PAK5: variants seen among roughly 807,000 people sequenced by gnomAD.
The protein encoded by PAK5 is p21 (RAC1) activated kinase 5.
Under a neutral mutation model 65.9 loss-of-function variants are expected in PAK5, and 16 were observed. The ratio of observed to expected loss-of-function variants is 0.24; its 90% CI spans 0.16 to 0.37. The LOEUF is 0.37. PAK5 is among the 10% of genes least tolerant of loss of function. PAK5 has a pLI of 1.00. For synonymous variants in PAK5, 371 were observed against 354.9 expected, an observed-to-expected ratio of 1.05 and a Z score of -0.51; for missense variants, 785 against 903.9, an observed-to-expected ratio of 0.87 and a Z score of 1.69.
rs562986262 is a variant in PAK5 at position 9,579,291 on chromosome 20, C to T, written c.990+854G>A. On this transcript the variant is annotated intron_variant, in intron 4 of 9. Transcript: ENST00000353224. ...CTACGGTCCATGTTCTTTTGCTGGA[C>T]AGGTAAGGTAGCAAAAACATTTCTA... 3.3e-5 allele frequency among the ~76,000 whole-genome samples: 5 copies of T among 152,280 alleles called. No homozygotes were observed. In the South Asian group the frequency reaches 1.0e-3, roughly 32 times the overall value.
At chr20:9,661,394 C>T (rs2047344701) in intron 2 of PAK5, among the ~76,000 whole-genome samples, 1 of 152,268 alleles carries the variant, frequency 6.6e-6, no homozygotes, top group African/African-American at 2.4e-5. Flanking sequence ...GATCCAGACC[C>T]ACCAAGGTGA....
chr20:9,770,073 C>A (rs1374470163), intron 1 of PAK5, among the ~76,000 whole-genome samples: 2 of 151,996 alleles, frequency 1.3e-5, no homozygotes, highest in Non-Finnish European at 2.9e-5. Flanking sequence ...AAAAATAGAG[C>A]TTATGTGTAT....
chr20:9,758,719 C>T (rs13045260), intron 1 of PAK5, among the ~76,000 whole-genome samples: 19,926 of 152,120 alleles, frequency 0.13, 1,348 homozygotes, highest in Middle Eastern at 0.19. Context: ...TATCAGTTCA[C>T]CACTAAATGT....
chr20:9,652,605 A>T lies in PAK5; in HGVS notation c.-11-8266T>A, dbSNP rs983147670. On this transcript the variant is annotated intron_variant, in intron 2 of 9. Coordinates refer to ENST00000353224, the MANE Select transcript of PAK5 (RefSeq NM_177990.4). The stretch of plus-strand genomic sequence containing the variant: ...CAAAGCCTGTTGGGTGAATACAATG[A>T]TTATCCTTGTACCTGGTCCCCATTT... Among the ~76,000 whole-genome samples, 4 of 152,256 alleles carry T rather than the reference A, an allele frequency of 2.6e-5. No homozygotes were observed. The South Asian group carries it at 8.3e-4, about 32-fold the overall frequency.
At chr20:9,585,882 G>A (rs2046059832) in intron 3 of PAK5, among the ~76,000 whole-genome samples, 1 of 152,142 alleles carries the variant, frequency 6.6e-6, no homozygotes, top group African/African-American at 2.4e-5. Flanking sequence ...TTTAAAAAAT[G>A]ATCAGAGAAA....
chr20:9,610,802 TC>T (rs1459422306), intron 3 of PAK5, among the ~76,000 whole-genome samples: 2 of 152,136 alleles, frequency 1.3e-5, no homozygotes, highest in African/African-American at 4.8e-5. Flanking sequence ...GGGAGTGAAA[TC>T]CCAGTGTGAG....
intron 1 of PAK5, among the ~76,000 whole-genome samples, chr20:9,825,076 A>G (rs2049468139): frequency 6.6e-6 from 1 of 152,188 alleles, no homozygotes; most frequent in Non-Finnish European, 1.5e-5. Flanking sequence ...TTTTGATCCT[A>G]CTAGTTAAGT....
At chr20:9,789,359 A>T (rs1034894176) in intron 1 of PAK5, among the ~76,000 whole-genome samples, 1 of 152,286 alleles carries the variant, frequency 6.6e-6, no homozygotes, top group South Asian at 2.1e-4. Flanking sequence ...TTCAGAACAC[A>T]CACCAGATGC....
chr20:9,601,003 C>T (rs1232537327), intron 3 of PAK5, among the ~76,000 whole-genome samples: 5 of 152,144 alleles, frequency 3.3e-5, no homozygotes, highest in Non-Finnish European at 5.9e-5. Flanking sequence ...CCCAAACAGG[C>T]AGGTAAGTGT....
At chr20:9,671,666 GA>G (rs1417639990) in intron 2 of PAK5, among the ~76,000 whole-genome samples, 1 of 146,520 alleles carries the variant, frequency 6.8e-6, no homozygotes, top group Non-Finnish European at 1.5e-5. Context: ...AGCTTAAGGA[GA>G]TTTTGGGCTG....
intron 3 of PAK5, among the ~76,000 whole-genome samples, chr20:9,589,913 G>A (rs1176664321): frequency 5.3e-5 from 8 of 152,026 alleles, no homozygotes; most frequent in Admixed American, 5.2e-4. Flanking sequence ...TACTCATAAA[G>A]GTAAGGCATC....
intron 4 of PAK5, among the ~76,000 whole-genome samples, chr20:9,569,080 G>A (rs1220530238): frequency 6.6e-6 from 1 of 152,166 alleles, no homozygotes; most frequent in Non-Finnish European, 1.5e-5. Context: ...CTCAATTTGT[G>A]ACCTACAGAA....
chr20:9,583,459 A>C (rs1030181554), intron 3 of PAK5, among the ~76,000 whole-genome samples: 3 of 152,214 alleles, frequency 2.0e-5, no homozygotes, highest in Non-Finnish European at 4.4e-5. Context: ...AAATTCCTTT[A>C]CACTTATAGT....
chr20:9,672,743 A>G (rs1743191372), intron 2 of PAK5, among the ~76,000 whole-genome samples: 1 of 152,186 alleles, frequency 6.6e-6, no homozygotes, highest in African/African-American at 2.4e-5. Context: ...CAAAAAGTTG[A>G]AAATAAGTAT....
chr20:9,553,848 A>C (rs2045467234), intron 7 of PAK5, among the ~76,000 whole-genome samples: 1 of 151,812 alleles, frequency 6.6e-6, no homozygotes, highest in African/African-American at 2.4e-5. Flanking sequence ...ATAAGTTTCC[A>C]TTTCTCTGGA....
At chr20:9,624,276 C>T (rs1348855348) in intron 3 of PAK5, among the ~76,000 whole-genome samples, 1 of 152,092 alleles carries the variant, frequency 6.6e-6, no homozygotes, top group African/African-American at 2.4e-5. Flanking sequence ...GAAATTTTAG[C>T]CTGTCTTGGT....
At chr20:9,624,015 G>T (rs886226773) in intron 3 of PAK5, among the ~76,000 whole-genome samples, 1 of 152,138 alleles carries the variant, frequency 6.6e-6, no homozygotes, top group Non-Finnish European at 1.5e-5. Context: ...TGGTACATAC[G>T]CTTTATGATC....
intron 1 of PAK5, among the ~76,000 whole-genome samples, chr20:9,715,871 G>A (rs1448092035): frequency 1.5e-5 from 2 of 135,918 alleles, no homozygotes; most frequent in South Asian, 5.2e-4. Flanking sequence ...ATAGGAAGGG[G>A]AACATCATAC....
At chr20:9,708,399 T>C (rs1239329458) in intron 2 of PAK5, among the ~76,000 whole-genome samples, 4 of 152,184 alleles carry the variant, frequency 2.6e-5, no homozygotes, top group Non-Finnish European at 4.4e-5. Flanking sequence ...TAATCATGTA[T>C]AAATATCTCC....
Sources: gnomAD v4.1 joint callset for allele counts (sites outside exome capture counted in the v4.1 genomes callset) on GRCh38, gnomAD v4.1.1 for gene constraint, MANE v1.5 for transcripts, NCBI Gene and HGNC (gene_info 2026-07-23, HGNC 2026-07-21) for gene names.